Variants in ZNF723 observed in about 807,000 individuals in gnomAD.
ZNF723 encodes the protein zinc finger protein 723, also known as zinc finger protein 723, pseudogene.
Under a neutral mutation model 9.4 loss-of-function variants are expected in ZNF723, and 5 were observed. The ratio of observed to expected loss-of-function variants is 0.53; its 90% confidence interval spans 0.28 to 1.12. The LOEUF (loss-of-function observed/expected upper bound fraction) is 1.12, where lower values mean the gene tolerates loss of function less well. ZNF723 is among the 50% of genes most tolerant of loss of function. The pLI is 0.10. For missense variants in ZNF723, 450 were observed against 501.5 expected, an observed-to-expected ratio of 0.90 and a Z score of 0.98; for synonymous variants, 158 against 168.8, an observed-to-expected ratio of 0.94 and a Z score of 0.49.
chr19:22,825,370 A>G, the ZNF723 span, among the ~76,000 whole-genome samples: 1 of 151,754 alleles, frequency 6.6e-6, no homozygotes, highest in Non-Finnish European at 1.5e-5. Flanking sequence ...AAGCTGAGAC[A>G]TGTGCAGAAT....
intron 3 of ZNF723, among the ~76,000 whole-genome samples, chr19:22,852,887 C>T (rs888853454): frequency 6.6e-6 from 1 of 152,064 alleles, no homozygotes; most frequent in African/African-American, 2.4e-5. Flanking sequence ...ACATATATCT[C>T]ATTCTATCTC....
chr19:22,836,063 C>T (rs1271905175), intron 1 of ZNF723, among the ~76,000 whole-genome samples: 1 of 93,522 alleles, frequency 1.1e-5, no homozygotes, highest in Non-Finnish European at 2.1e-5. Flanking sequence ...GAGTAAATAA[C>T]TGACATAAAA....
intron 1 of ZNF723, among the ~76,000 whole-genome samples, chr19:22,846,864 G>A (rs1967318279): frequency 1.2e-5 from 1 of 82,604 alleles, no homozygotes; most frequent in Admixed American, 2.0e-4. Flanking sequence ...TGCTCTTGAT[G>A]CCGTGCTGGG....
chr19:22,828,352 AG>A (rs1480038657), upstream of ZNF723, among the ~76,000 whole-genome samples: 1 of 152,198 alleles, frequency 6.6e-6, no homozygotes, highest in Admixed American at 6.5e-5. Context: ...CCAAAAAGCC[AG>A]GGTTTTAAAA....
chr19:22,830,933 T>C (rs949890536), upstream of ZNF723, among the ~76,000 whole-genome samples: 1 of 152,020 alleles, frequency 6.6e-6, no homozygotes, highest in African/African-American at 2.4e-5. Context: ...CGGCTAATTT[T>C]TGTATTTTTC....
At chr19:22,826,945 T>C in the ZNF723 span, among the ~76,000 whole-genome samples, 3 of 152,206 alleles carry the variant, frequency 2.0e-5, no homozygotes, top group African/African-American at 7.2e-5. Flanking sequence ...AGAATATTGA[T>C]CCACTGCTTT....
the ZNF723 span, among the ~76,000 whole-genome samples, chr19:22,823,400 G>A: frequency 6.6e-6 from 1 of 152,202 alleles, no homozygotes; most frequent in African/African-American, 2.4e-5. Flanking sequence ...CAGGTCCACA[G>A]ACGAGATAGT....
chr19:22,835,069 GT>G (rs57260930), intron 1 of ZNF723, among the ~76,000 whole-genome samples: 106,934 of 139,638 alleles, frequency 0.77, 41,376 homozygotes, highest in South Asian at 0.84. Flanking sequence ...TTTGTTGGTT[GT>G]TTTTTTTTTT....
chr19:22,812,854 T>A, the ZNF723 span, among the ~76,000 whole-genome samples: 1 of 152,204 alleles, frequency 6.6e-6, no homozygotes, highest in African/African-American at 2.4e-5. Flanking sequence ...CCAGTAAGCA[T>A]CCACAGTCTG....
At chr19:22,836,131 G>A (rs1405281387) in intron 1 of ZNF723, among the ~76,000 whole-genome samples, 1 of 152,150 alleles carries the variant, frequency 6.6e-6, no homozygotes, top group African/African-American at 2.4e-5. Flanking sequence ...TGCAAAAGGA[G>A]GTTATTAAAG....
At chr19:22,855,205 G>A (rs2145231617) in intron 3 of ZNF723, among the ~76,000 whole-genome samples, 1 of 149,666 alleles carries the variant, frequency 6.7e-6, no homozygotes, top group East Asian at 2.0e-4. Context: ...AGAAAATAAT[G>A]TATTTTTATA....
chr19:22,832,276 G>T (rs1361148934), upstream of ZNF723: 4 of 1,181,188 alleles, frequency 3.4e-6, no homozygotes, highest in African/African-American at 3.1e-5. Context: ...GGCGGCTTCC[G>T]GGATTTGGCG....
At chr19:22,827,404 C>T (rs1967046133), upstream of ZNF723, among the ~76,000 whole-genome samples, 1 of 151,162 alleles carries the variant, frequency 6.6e-6, no homozygotes, top group Admixed American at 6.6e-5. Context: ...GGGACCTTGG[C>T]TAAGAAGCAT....
At chr19:22,834,728 T>C (rs1967143998) in intron 1 of ZNF723, among the ~76,000 whole-genome samples, 1 of 152,178 alleles carries the variant, frequency 6.6e-6, no homozygotes, top group East Asian at 1.9e-4. Flanking sequence ...CTAACCCATC[T>C]TCCATTTCTT....
upstream of ZNF723, among the ~76,000 whole-genome samples, chr19:22,828,426 G>A (rs567258953): frequency 3.2e-4 from 48 of 152,170 alleles, no homozygotes; most frequent in African/African-American, 1.1e-3. Context: ...ACGCCGGGGC[G>A]GGCAGATCAC....
intron 1 of ZNF723, among the ~76,000 whole-genome samples, chr19:22,845,815 G>T (rs985736767): frequency 5.3e-5 from 8 of 150,694 alleles, no homozygotes; most frequent in Non-Finnish European, 1.2e-4. Context: ...TTCTCAAGAT[G>T]CAGGTCTAAT....
chr19:22,857,955 A>G lies in ZNF723; in HGVS notation c.1064A>G (p.His355Arg). The G allele has an allele frequency of 1.3e-6, 2 of 1,512,790 alleles. No individual in the cohort carries two copies. Among genetic ancestry groups the G allele is most frequent in the Non-Finnish European group, 9.2e-7 (1 of 1,090,226 alleles). The allele number at this position is 1,512,790 out of a possible 1,614,324, so 93.7% of individuals were successfully genotyped here. ...GGCAAAGCATTCAGCCAGTCCTCAC[A>G]CATTACTACACATAAGAGAATTCAC... is the stretch of plus-strand genomic sequence containing the variant. ...ECGKAFSQSS[H>R]ITTHKRIHTG... Residue 355 changes from histidine to arginine, a missense_variant, in exon 4 of 4, where the codon CAC (histidine) becomes CGC (arginine). Physicochemically the swap from His to Arg is conservative, Grantham distance 29. This residue lies in a region of ZNF723 where 237 missense variants were observed against 332.2 expected (regional missense o/e 0.71). Coordinates refer to ENST00000600766, the MANE Select transcript of ZNF723 (RefSeq NM_001349726.2).
At chr19:22,856,886 A>G (rs1276169196) in intron 3 of ZNF723, among the ~76,000 whole-genome samples, 1 of 152,162 alleles carries the variant, frequency 6.6e-6, no homozygotes, top group East Asian at 1.9e-4. Context: ...TTTTCTCTTC[A>G]TTCTATGAGG....
At chr19:22,855,248 A>C (rs1250218876) in intron 3 of ZNF723, among the ~76,000 whole-genome samples, 2 of 122,914 alleles carry the variant, frequency 1.6e-5, no homozygotes, top group South Asian at 5.0e-4. Flanking sequence ...TTTTTTTTTG[A>C]GATGGAGTCT....
Sources: allele counts gnomAD v4.1 joint callset (sites outside exome capture counted in the v4.1 genomes callset), GRCh38; gene constraint gnomAD v4.1.1; regional missense constraint gnomAD v4.1.1; transcripts MANE v1.5; gene names NCBI Gene and HGNC (gene_info 2026-07-23, HGNC 2026-07-21).